ANKFN1: variants seen among roughly 807,000 people sequenced by gnomAD.
ANKFN1 encodes ankyrin repeat and fibronectin type-III domain-containing protein 1.
ANKFN1 carries 74 observed loss-of-function variants against 108.7 expected under a neutral mutation model. The ratio of observed to expected loss-of-function variants is 0.68; its 90% CI spans 0.56 to 0.83. The LOEUF (loss-of-function observed/expected upper bound fraction) is 0.83, where lower values mean the gene tolerates loss of function less well. Ranked by LOEUF, ANKFN1 falls within the 40% of genes least tolerant of loss-of-function variation. ANKFN1 has a pLI of 0.00. For missense variants in ANKFN1, 1,505 were observed against 1,382.3 expected, an observed-to-expected ratio of 1.09 and a Z score of -1.41; for synonymous variants, 547 against 516.2, an observed-to-expected ratio of 1.06 and a Z score of -0.81.
At chr17:56,459,748 G>A (rs1598646963) in intron 14 of ANKFN1, among the ~76,000 whole-genome samples, 2 of 152,226 alleles carry the variant, frequency 1.3e-5, no homozygotes, top group Admixed American at 1.3e-4. Context: ...ATGTGAGAAG[G>A]ATCAGGCTGT....
At chr17:56,211,812 T>C (rs950890001) in intron 1 of ANKFN1, among the ~76,000 whole-genome samples, 1 of 152,208 alleles carries the variant, frequency 6.6e-6, no homozygotes, top group African/African-American at 2.4e-5. Flanking sequence ...GTAGAGGTAT[T>C]TCACCTCCTT....
At chr17:56,048,145 T>G (rs550982694) in intron 4 of ANKFN1, among the ~76,000 whole-genome samples, 1 of 152,346 alleles carries the variant, frequency 6.6e-6, no homozygotes, top group Non-Finnish European at 1.5e-5. Context: ...CAGTACAACT[T>G]TCATAGAGAT....
chr17:56,096,182 G>A (rs1416601747), intron 4 of ANKFN1, among the ~76,000 whole-genome samples: 1 of 152,186 alleles, frequency 6.6e-6, no homozygotes, highest in Non-Finnish European at 1.5e-5. Flanking sequence ...GCTGCTATGA[G>A]CTACGTTTCC....
intron 4 of ANKFN1, among the ~76,000 whole-genome samples, chr17:56,329,885 C>T (rs530977337): frequency 1.1e-4 from 17 of 152,232 alleles, no homozygotes; most frequent in South Asian, 4.1e-4. Flanking sequence ...TAGTTCCTTC[C>T]GCCATGTGAA....
At chr17:56,231,516 C>G (rs1916736547) in intron 3 of ANKFN1, among the ~76,000 whole-genome samples, 2 of 152,142 alleles carry the variant, frequency 1.3e-5, no homozygotes, top group South Asian at 2.1e-4. Context: ...AGGCACTGTG[C>G]TGAAGGATTT....
chr17:56,329,141 C>T (rs1292342043), intron 4 of ANKFN1, among the ~76,000 whole-genome samples: 1 of 152,136 alleles, frequency 6.6e-6, no homozygotes, highest in East Asian at 1.9e-4. Flanking sequence ...CTGTTGGGTA[C>T]AGGTTAAAGT....
chr17:56,382,801 C>G (rs914160354), intron 8 of ANKFN1, among the ~76,000 whole-genome samples: 18 of 152,240 alleles, frequency 1.2e-4, no homozygotes, highest in African/African-American at 4.1e-4. Flanking sequence ...TATATGCACC[C>G]AATACAGGAG....
chr17:56,250,215 A>C (rs1301459627), intron 3 of ANKFN1, among the ~76,000 whole-genome samples: 1 of 152,224 alleles, frequency 6.6e-6, no homozygotes, highest in Non-Finnish European at 1.5e-5. Flanking sequence ...TCCAGTGTTG[A>C]GATACACCTA....
At chr17:56,092,507 C>T (rs1261013987) in intron 4 of ANKFN1, among the ~76,000 whole-genome samples, 1 of 150,962 alleles carries the variant, frequency 6.6e-6, no homozygotes, top group African/African-American at 2.4e-5. Flanking sequence ...ATCTCCTGAC[C>T]TCATGATCCA....
At chr17:56,174,357 C>T (rs1910937254) in intron 1 of ANKFN1, 2 of 985,504 alleles carry the variant, frequency 2.0e-6, no homozygotes, top group South Asian at 9.4e-5. Context: ...TGCAAAGCAG[C>T]CACATTCTGG....
chr17:56,112,673 A>C (rs994391511), intron 4 of ANKFN1, among the ~76,000 whole-genome samples: 2 of 152,222 alleles, frequency 1.3e-5, no homozygotes, highest in Non-Finnish European at 2.9e-5. Flanking sequence ...ATAGAATCAC[A>C]CTATATATTT....
At chr17:56,311,130 T>TTCTC (rs139801596) in intron 3 of ANKFN1, among the ~76,000 whole-genome samples, 2 of 151,212 alleles carry the variant, frequency 1.3e-5, no homozygotes, top group Non-Finnish European at 3.0e-5. Flanking sequence ...TACATAATAT[T>TTCTC]TCTCTCTCTC....
intron 1 of ANKFN1, among the ~76,000 whole-genome samples, chr17:56,161,430 C>T (rs1431254813): frequency 6.6e-6 from 1 of 152,102 alleles, no homozygotes; most frequent in Non-Finnish European, 1.5e-5. Flanking sequence ...ATATGAAACT[C>T]GTACACAGTA....
At chr17:56,320,345 A>G (rs2045327628) in intron 3 of ANKFN1, among the ~76,000 whole-genome samples, 1 of 152,242 alleles carries the variant, frequency 6.6e-6, no homozygotes, top group Non-Finnish European at 1.5e-5. Context: ...CAGTGTGAAC[A>G]TAAATATTAT....
intron 19 of ANKFN1, among the ~76,000 whole-genome samples, chr17:56,494,211 GAT>G (rs1190194731): frequency 6.6e-6 from 1 of 152,154 alleles, no homozygotes; most frequent in Non-Finnish European, 1.5e-5. Context: ...CCGTGAATGA[GAT>G]ATCTTAGGTG....
At chr17:56,146,809 G>T (rs141800793) in intron 4 of ANKFN1, among the ~76,000 whole-genome samples, 1 of 152,196 alleles carries the variant, frequency 6.6e-6, no homozygotes, top group Non-Finnish European at 1.5e-5. Flanking sequence ...CATTTTCCTC[G>T]TTGTCTTGGT....
At chr17:56,197,538 G>C (rs904412513) in intron 1 of ANKFN1, among the ~76,000 whole-genome samples, 1 of 152,156 alleles carries the variant, frequency 6.6e-6, no homozygotes. Flanking sequence ...GCTGCTGTTA[G>C]TTTCCATTTT....
At position 56,455,854 on chromosome 17, in the gene ANKFN1, G is replaced by A. The variant is rs185510776; in HGVS notation, c.1208-1007G>A. ...ATAAATATTTGTCCAATTAATGAAT[G>A]TCTGTTTTCCCAGGCACTGACTTTT... On this transcript the variant is annotated intron_variant, in intron 11 of 20. Coordinates refer to ENST00000682825, the MANE Select transcript of ANKFN1 (RefSeq NM_001370326.1). Among the ~76,000 whole-genome samples the A allele has an allele frequency of 4.5e-3, 685 of 152,300 alleles. 4 individuals carry two copies. The highest frequency in any genetic ancestry group is 0.011 in the South Asian group (53 of 4,828).
chr17:56,296,926 A>G (rs2144343170), intron 3 of ANKFN1, among the ~76,000 whole-genome samples: 1 of 152,200 alleles, frequency 6.6e-6, no homozygotes, highest in East Asian at 1.9e-4. Context: ...TCACTGTTCA[A>G]GCAACACTTG....
Sources: gnomAD v4.1 joint callset for allele counts (sites outside exome capture counted in the v4.1 genomes callset) on GRCh38, gnomAD v4.1.1 for gene constraint, MANE v1.5 for transcripts, NCBI Gene and HGNC (gene_info 2026-07-23, HGNC 2026-07-21) for gene names.